The following USH2A variants were observed in gnomAD, a reference collection of about 807,000 sequenced individuals.
USH2A encodes the protein Usher syndrome 2A (autosomal recessive, mild).
A neutral mutation model predicts 538.9 loss-of-function variants in USH2A; 443 were observed. The ratio of observed to expected loss-of-function variants is 0.82; its 90% CI spans 0.76 to 0.89. USH2A has a LOEUF of 0.89. Ranked by LOEUF, USH2A falls within the 40% of genes least tolerant of loss-of-function variation. The pLI, the probability that USH2A is intolerant of heterozygous loss-of-function variation, is 0.00. For synonymous variants in USH2A, 2,413 were observed against 2,273.5 expected, an observed-to-expected ratio of 1.06 and a Z score of -1.75; for missense variants, 6,633 against 6,324.8, an observed-to-expected ratio of 1.05 and a Z score of -1.65.
chr1:215,886,462 A>G (rs193192821), intron 41 of USH2A: 1 of 152,364 alleles, frequency 6.6e-6, no homozygotes, highest in African/African-American at 2.4e-5. Flanking sequence ...ATTAAATACT[A>G]GACTCAGTTG....
intron 38 of USH2A, among the ~76,000 whole-genome samples, chr1:215,912,479 A>ATATATATATGTGTGTGTATATATATATG: frequency 3.1e-5 from 1 of 31,772 alleles, no homozygotes; most frequent in Non-Finnish European, 5.6e-5. Context: ...ATATATACGT[A>ATATATATATGTGTGTGTATATATATATG]TATATATATA....
At chr1:216,144,374 C>T (rs529362144) in intron 21 of USH2A, among the ~76,000 whole-genome samples, 3 of 151,566 alleles carry the variant, frequency 2.0e-5, no homozygotes, top group South Asian at 4.2e-4. Flanking sequence ...TGGAAAATGT[C>T]CTTTTAGTAT....
rs193285867 is a variant in USH2A at position 215,701,008 on chromosome 1, T to A, written c.12067-20632A>T. Among the ~76,000 whole-genome samples the A allele has an allele frequency of 2.6e-5, 4 of 152,356 alleles. No individual in the cohort carries two copies. In the East Asian group the frequency reaches 7.7e-4, roughly 29 times the overall value. Reference sequence around the variant, plus strand: ...GTCCCAGAGATTCTGGTATGTTGTATCTTTGTTCTCATTGGTTTCAATGAA... The same window carrying A: ...GTCCCAGAGATTCTGGTATGTTGTAACTTTGTTCTCATTGGTTTCAATGAA... On this transcript the variant is annotated intron_variant, in intron 61 of 71. Coordinates refer to ENST00000307340, the MANE Select transcript of USH2A (RefSeq NM_206933.4).
chr1:215,839,159 T>A (rs1323158997), intron 46 of USH2A, among the ~76,000 whole-genome samples: 1 of 152,192 alleles, frequency 6.6e-6, no homozygotes, highest in Non-Finnish European at 1.5e-5. Flanking sequence ...ATTTAAACAC[T>A]ATCAAGGGCC....
In USH2A at chr1:215,648,737, A is replaced by T; in HGVS notation, c.14373T>A (p.Thr4791=). 1 of 1,614,122 alleles carries T rather than the reference A, an allele frequency of 6.2e-7. No individual in the cohort carries two copies. The highest frequency in any genetic ancestry group is 8.5e-7 in the Non-Finnish European group (1 of 1,180,024). Residue 4791 remains threonine, a synonymous_variant, in exon 66 of 72, where the codon ACT becomes ACA. Transcript: ENST00000307340. ...TAGTGAAGGCTTGAAGGCCATGGAGAGTCTGCTGGGTGGCCATGCCTTCGG... is the reference window on the plus strand; with the variant it reads ...TAGTGAAGGCTTGAAGGCCATGGAGTGTCTGCTGGGTGGCCATGCCTTCGG... ...VLSEGMATQQ[T]LHGLQAFTNY... is the part of the protein sequence containing the mutation.
At position 216,250,993 on chromosome 1, in the gene USH2A, G is replaced by A; in HGVS notation, c.2077C>T (p.Pro693Ser). ...GTCCCAGAGGTATTGCAGTTACAGGGACTGCAGCCATCAGGATCCAACTCT... is the reference window on the plus strand; with the variant it reads ...GTCCCAGAGGTATTGCAGTTACAGGAACTGCAGCCATCAGGATCCAACTCT... ...LQELDPDGCS[P>S]CNCNTSGTVD... is the part of the protein sequence containing the mutation. The change falls in exon 12 of 72, where the codon CCC becomes TCC. Residue 693 changes from proline (P) to serine (S), a missense_variant. Pro to Ser is a moderately conservative substitution (Grantham distance 74). Transcript: ENST00000307340. 6.2e-7 allele frequency: 1 copy of A among 1,613,974 alleles called. No homozygotes were observed. Among genetic ancestry groups the A allele is most frequent in the Non-Finnish European group, 8.5e-7 (1 of 1,179,926 alleles).
chr1:216,181,811 C>T lies in USH2A; in HGVS notation c.4397-6329G>A, dbSNP rs3767681. ...ACTTGCTTCTCTGACAGCAAAGTAT[C>T]GATTTCTTCATCATTTTCAAGTCTC... On this transcript the variant is annotated intron_variant, in intron 20 of 71. Transcript: ENST00000307340. 3.9e-3 allele frequency among the ~76,000 whole-genome samples: 598 copies of T among 152,156 alleles called. 9 individuals carry two copies. The highest frequency in any genetic ancestry group is 0.039 in the East Asian group (200 of 5,144).
intron 3 of USH2A, among the ~76,000 whole-genome samples, chr1:216,376,609 C>T (rs1221726566): frequency 1.3e-5 from 2 of 152,080 alleles, no homozygotes; most frequent in East Asian, 1.9e-4. Context: ...AATACAGTTA[C>T]ATATCATTAG....
intron 17 of USH2A, 147 bp from the exon 18 acceptor site, chr1:216,198,731 T>C (rs2034913505): frequency 3.8e-6 from 3 of 786,138 alleles, no homozygotes; most frequent in Non-Finnish European, 6.1e-6. Flanking sequence ...ATTCAAAATG[T>C]AGTGATTTAG....
intron 35 of USH2A, among the ~76,000 whole-genome samples, chr1:215,982,399 A>G (rs1016555010): frequency 1.3e-5 from 2 of 152,150 alleles, no homozygotes; most frequent in Non-Finnish European, 2.9e-5. Flanking sequence ...ATCTCCTCCA[A>G]TTCTGACCTA....
chr1:216,129,961 T>C (rs2033334971), intron 21 of USH2A, among the ~76,000 whole-genome samples: 1 of 151,988 alleles, frequency 6.6e-6, no homozygotes, highest in Admixed American at 6.6e-5. Context: ...TTAGGGAGAA[T>C]ACAGTCTCAT....
At chr1:215,875,051 G>A (rs1398975205) in intron 43 of USH2A, among the ~76,000 whole-genome samples, 3 of 152,138 alleles carry the variant, frequency 2.0e-5, no homozygotes, top group Non-Finnish European at 2.9e-5. Context: ...AAGGAGCCCC[G>A]GATGTTGCCA....
At chr1:216,368,348 G>A (rs903157710) in intron 3 of USH2A, among the ~76,000 whole-genome samples, 9 of 152,078 alleles carry the variant, frequency 5.9e-5, no homozygotes, top group African/African-American at 2.2e-4. Flanking sequence ...AGTCCACCTA[G>A]ATTATAGTAA....
chr1:216,145,746 AG>A (rs972250756), intron 21 of USH2A, among the ~76,000 whole-genome samples: 19 of 152,272 alleles, frequency 1.2e-4, no homozygotes, highest in Admixed American at 3.9e-4. Context: ...CCACAAAAGA[AG>A]TGTAAATGGC....
chr1:216,134,389 A>G (rs1008012625), intron 21 of USH2A, among the ~76,000 whole-genome samples: 13 of 152,116 alleles, frequency 8.5e-5, no homozygotes, highest in African/African-American at 2.9e-4. Context: ...AGGAAACAAT[A>G]TTAATTAATT....
rs1044594969 is a variant in USH2A at position 215,845,915 on chromosome 1, C to G, written c.8964G>C (p.Lys2988Asn). The change falls in exon 45 of 72, where the codon AAG becomes AAC. Residue 2988 changes from lysine to asparagine, a missense_variant. Lys to Asn is a moderately conservative substitution (Grantham distance 94). Transcript: ENST00000307340. ...DVNSHVIGHL[K>N]PNTEYWIFIS... ...TAAAGATCCAATACTCTGTGTTTGG[C>G]TTTAGGTGGCCAATGACATGAGAGT... The G allele has an allele frequency of 1.2e-6, 2 of 1,613,734 alleles. No homozygotes were observed. The highest frequency in any genetic ancestry group is 2.7e-5 in the African/African-American group (2 of 74,874).
At chr1:216,063,583 A>T (rs1419394182) in intron 30 of USH2A, among the ~76,000 whole-genome samples, 1 of 152,246 alleles carries the variant, frequency 6.6e-6, no homozygotes, top group Non-Finnish European at 1.5e-5. Context: ...TCACTAAAAA[A>T]CAAGAAATAA....
intron 61 of USH2A, among the ~76,000 whole-genome samples, chr1:215,710,721 GA>G (rs1415571740): frequency 6.6e-6 from 1 of 152,014 alleles, no homozygotes; most frequent in Non-Finnish European, 1.5e-5. Flanking sequence ...TGATATATTT[GA>G]CATTCAAGTG....
rs1392292353 is a variant in USH2A, at chr1:216,284,772, T to G, written c.1971+4508A>C. Reference sequence around the variant, plus strand: ...GAAAGTTTGGAACTTCCTGGAGACTTGTTGAATGGCTTTGACCAAAATGCT... The same window carrying G: ...GAAAGTTTGGAACTTCCTGGAGACTGGTTGAATGGCTTTGACCAAAATGCT... On this transcript the variant is annotated intron_variant, in intron 11 of 71. Coordinates refer to ENST00000307340, the MANE Select transcript of USH2A (RefSeq NM_206933.4). Among the ~76,000 whole-genome samples, 6 of 152,286 alleles carry G rather than the reference T, an allele frequency of 3.9e-5. No individual in the cohort carries two copies. The South Asian group carries it at 1.2e-3, about 32-fold the overall frequency.
Sources: allele counts gnomAD v4.1 joint callset (sites outside exome capture counted in the v4.1 genomes callset), GRCh38; gene constraint gnomAD v4.1.1; transcripts MANE v1.5; gene names NCBI Gene and HGNC (gene_info 2026-07-23, HGNC 2026-07-21).